The following CALN1 variants were observed in gnomAD, a reference collection of about 807,000 sequenced individuals.
CALN1 encodes calcium-binding protein 8.
Under a neutral mutation model 30.6 loss-of-function variants are expected in CALN1, and 17 were observed. The observed-to-expected ratio is 0.56, with a 90% CI of 0.38 to 0.83. The LOEUF (loss-of-function observed/expected upper bound fraction) is 0.83, where lower values mean the gene tolerates loss of function less well. Among genes scored for constraint, CALN1 ranks in the 40% least tolerant of loss-of-function variants. The pLI is 0.00. For missense variants in CALN1, 291 were observed against 354.9 expected (o/e 0.82, Z 1.45); for synonymous variants, 156 against 131.4 (o/e 1.19, Z -1.28).
intron 4 of CALN1, among the ~76,000 whole-genome samples, chr7:72,081,351 C>A (rs1805122555): frequency 6.8e-6 from 1 of 146,890 alleles, no homozygotes; most frequent in Admixed American, 6.9e-5. Flanking sequence ...GTCACAAGAC[C>A]CTATCTCCCT....
the CALN1 span, among the ~76,000 whole-genome samples, chr7:72,494,106 GC>G: frequency 0.15 from 23,424 of 152,062 alleles, 1,979 homozygotes; most frequent in African/African-American, 0.2. Context: ...CAGGAGAATC[GC>G]TAAGCCCAGG....
chr7:71,988,155 T>G (rs962601607), intron 5 of CALN1, among the ~76,000 whole-genome samples: 1 of 152,188 alleles, frequency 6.6e-6, no homozygotes, highest in African/African-American at 2.4e-5. Flanking sequence ...ATACAGTACT[T>G]GTCATGTGTC....
intron 5 of CALN1, among the ~76,000 whole-genome samples, chr7:71,978,222 T>TTGAGTCAG (rs1006794816): frequency 4.6e-5 from 7 of 150,694 alleles, no homozygotes; most frequent in African/African-American, 1.7e-4. Context: ...ATGCTGAATC[T>TTGAGTCAG]TGAGTCAGTA....
intron 3 of CALN1, among the ~76,000 whole-genome samples, chr7:72,245,895 A>C (rs1795126505): frequency 6.6e-6 from 1 of 152,186 alleles, no homozygotes; most frequent in South Asian, 2.1e-4. Context: ...CCAGCAAAGA[A>C]ATGTAGCTGG....
At chr7:72,303,248 G>T (rs570107038) in intron 2 of CALN1, among the ~76,000 whole-genome samples, 6 of 152,216 alleles carry the variant, frequency 3.9e-5, no homozygotes, top group Admixed American at 3.9e-4. Flanking sequence ...GACCACAGTG[G>T]GGGCAGGTGT....
At chr7:71,789,026 C>T (rs1793158964) in intron 6 of CALN1, among the ~76,000 whole-genome samples, 1 of 152,080 alleles carries the variant, frequency 6.6e-6, no homozygotes, top group Admixed American at 6.5e-5. Flanking sequence ...TAATCTCAAA[C>T]TCCTGAGCTC....
chr7:72,205,901 CA>C (rs896797050), intron 3 of CALN1, among the ~76,000 whole-genome samples: 4 of 152,024 alleles, frequency 2.6e-5, no homozygotes, highest in African/African-American at 9.7e-5. Context: ...AATATTAATA[CA>C]CTTCCCCAAT....
chr7:71,855,608 T>A (rs538994773), intron 5 of CALN1, among the ~76,000 whole-genome samples: 1 of 152,258 alleles, frequency 6.6e-6, no homozygotes, highest in East Asian at 1.9e-4. Flanking sequence ...AGGTTCCGTC[T>A]GACCCTAGGC....
chr7:72,285,448 T>C (rs1286938080), intron 2 of CALN1, among the ~76,000 whole-genome samples: 1 of 152,130 alleles, frequency 6.6e-6, no homozygotes, highest in Non-Finnish European at 1.5e-5. Context: ...TTTCACCGTG[T>C]TGGCCAGGAT....
chr7:72,062,404 T>C (rs1416430518), intron 4 of CALN1, among the ~76,000 whole-genome samples: 2 of 149,084 alleles, frequency 1.3e-5, no homozygotes, highest in Non-Finnish European at 3.0e-5. Context: ...CCCAGCTACT[T>C]GGGAGGCTGA....
At chr7:72,424,665 T>C (rs1807739934) in intron 1 of CALN1, among the ~76,000 whole-genome samples, 1 of 152,152 alleles carries the variant, frequency 6.6e-6, no homozygotes, top group Non-Finnish European at 1.5e-5. Context: ...GGCGTGATCA[T>C]AGCTCACTGC....
intron 3 of CALN1, among the ~76,000 whole-genome samples, chr7:72,150,171 T>C (rs1214328602): frequency 6.6e-6 from 1 of 150,394 alleles, no homozygotes; most frequent in Non-Finnish European, 1.5e-5. Context: ...GGACAGACAG[T>C]AGCTGCCTTC....
intron 5 of CALN1, among the ~76,000 whole-genome samples, chr7:71,982,152 G>A (rs1287902221): frequency 6.6e-6 from 1 of 152,116 alleles, no homozygotes; most frequent in African/African-American, 2.4e-5. Flanking sequence ...GATGCCTCTG[G>A]TCAGCCAATG....
rs113149862 is a variant in CALN1 at position 71,922,172 on chromosome 7, G to A, written c.501+101485C>T. Among the ~76,000 whole-genome samples the A allele has an allele frequency of 2.7e-3, 417 of 152,210 alleles. 3 individuals are homozygous for A. The highest frequency in any genetic ancestry group is 9.4e-3 in the African/African-American group (392 of 41,528). On this transcript the variant is annotated intron_variant, in intron 5 of 6. Coordinates refer to ENST00000395275, the MANE Select transcript of CALN1 (RefSeq NM_031468.4). ...AGCACTATGAGCAAATAAAAGAGACGTTATAATTGAAAGTAAAATGGATTC... is the reference window on the plus strand; with the variant it reads ...AGCACTATGAGCAAATAAAAGAGACATTATAATTGAAAGTAAAATGGATTC...
intron 5 of CALN1, among the ~76,000 whole-genome samples, chr7:71,848,424 C>T (rs1291468230): frequency 6.6e-6 from 1 of 152,116 alleles, no homozygotes; most frequent in Non-Finnish European, 1.5e-5. Context: ...CATTCTGTGT[C>T]CTGGTATTTG....
chr7:72,424,999 G>A (rs1374610314), intron 1 of CALN1, among the ~76,000 whole-genome samples: 3 of 152,138 alleles, frequency 2.0e-5, no homozygotes, highest in Non-Finnish European at 4.4e-5. Context: ...ATGCTACACA[G>A]TGATACAATC....
At chr7:72,405,539 T>C (rs1281399365) in intron 1 of CALN1, among the ~76,000 whole-genome samples, 2 of 151,634 alleles carry the variant, frequency 1.3e-5, no homozygotes, top group Non-Finnish European at 2.9e-5. Context: ...GCACACTCTG[T>C]CCCCAGCAGC....
chr7:71,878,901 G>A (rs1473975433), intron 5 of CALN1, among the ~76,000 whole-genome samples: 1 of 152,210 alleles, frequency 6.6e-6, no homozygotes, highest in African/African-American at 2.4e-5. Flanking sequence ...CAGGTGAGAA[G>A]AGAGAACCAA....
chr7:71,977,535 G>C (rs1217850782), intron 5 of CALN1, among the ~76,000 whole-genome samples: 1 of 152,188 alleles, frequency 6.6e-6, no homozygotes, highest in Non-Finnish European at 1.5e-5. Flanking sequence ...TTTACAATCA[G>C]AGGGGCTAGT....
Sources: gnomAD v4.1 joint callset for allele counts (sites outside exome capture counted in the v4.1 genomes callset) on GRCh38, gnomAD v4.1.1 for gene constraint, MANE v1.5 for transcripts, NCBI Gene and HGNC (gene_info 2026-07-23, HGNC 2026-07-21) for gene names.